MACROD2: variants seen among roughly 807,000 people sequenced by gnomAD.
The protein encoded by MACROD2 is ADP-ribose glycohydrolase MACROD2.
In MACROD2, 36 loss-of-function variants were observed where a neutral mutation model predicts 70.4. That is an observed-to-expected ratio of 0.51 (90% confidence interval 0.39 to 0.68). The LOEUF (loss-of-function observed/expected upper bound fraction) is 0.68, where lower values mean the gene tolerates loss of function less well. MACROD2 is among the 30% of genes least tolerant of loss of function. The pLI, the probability that MACROD2 is intolerant of heterozygous loss-of-function variation, is 0.00. For missense variants in MACROD2, 496 were observed against 538.4 expected (o/e 0.92, Z 0.78); for synonymous variants, 172 against 178.8 (o/e 0.96, Z 0.30).
At chr20:14,078,069 A>C (rs1009963750) in intron 2 of MACROD2, among the ~76,000 whole-genome samples, 1 of 151,524 alleles carries the variant, frequency 6.6e-6, no homozygotes, top group Non-Finnish European at 1.5e-5. Context: ...CGCCTGGCTA[A>C]TTTTGTATTT....
intron 3 of MACROD2, among the ~76,000 whole-genome samples, chr20:14,139,351 A>G (rs1238552375): frequency 6.6e-6 from 1 of 152,224 alleles, no homozygotes; most frequent in East Asian, 1.9e-4. Context: ...AGATGAAGAA[A>G]GGCAAATGTT....
intron 5 of MACROD2, among the ~76,000 whole-genome samples, chr20:14,846,468 T>G (rs1205046321): frequency 6.6e-6 from 1 of 151,456 alleles, no homozygotes; most frequent in Non-Finnish European, 1.5e-5. Flanking sequence ...AAATATATAT[T>G]TCATTATATA....
intron 5 of MACROD2, among the ~76,000 whole-genome samples, chr20:15,008,529 A>G (rs1005178144): frequency 6.6e-6 from 1 of 152,196 alleles, no homozygotes; most frequent in Admixed American, 6.5e-5. Flanking sequence ...TGACCTGATC[A>G]TGGTGCAGGT....
At chr20:15,146,110 A>G (rs1003520469) in intron 5 of MACROD2, among the ~76,000 whole-genome samples, 4 of 152,158 alleles carry the variant, frequency 2.6e-5, no homozygotes, top group African/African-American at 9.7e-5. Flanking sequence ...TACATTCTGC[A>G]ACTTGCAAAA....
chr20:14,391,737 A>T (rs937760983), intron 3 of MACROD2, among the ~76,000 whole-genome samples: 1 of 149,852 alleles, frequency 6.7e-6, no homozygotes, highest in Non-Finnish European at 1.5e-5. Context: ...CAAATATTGC[A>T]TGTTCTCACT....
chr20:14,227,318 T>G (rs1439912340), intron 3 of MACROD2, among the ~76,000 whole-genome samples: 1 of 152,132 alleles, frequency 6.6e-6, no homozygotes, highest in Non-Finnish European at 1.5e-5. Context: ...TTTCACATGG[T>G]GGAAGCTTTG....
chr20:15,707,247 A>G (rs1382357159), intron 8 of MACROD2, among the ~76,000 whole-genome samples: 1 of 152,194 alleles, frequency 6.6e-6, no homozygotes, highest in East Asian at 1.9e-4. Context: ...CCAGAGATCA[A>G]TTAGCTCATC....
At chr20:14,946,348 T>A (rs2074432009) in intron 5 of MACROD2, among the ~76,000 whole-genome samples, 1 of 152,204 alleles carries the variant, frequency 6.6e-6, no homozygotes, top group South Asian at 2.1e-4. Flanking sequence ...ATCACATATC[T>A]GTATCTAAAT....
chr20:14,681,975 G>T (rs1429032654), intron 4 of MACROD2, among the ~76,000 whole-genome samples: 1 of 152,068 alleles, frequency 6.6e-6, no homozygotes, highest in Non-Finnish European at 1.5e-5. Context: ...ACCTTATAAG[G>T]TTGTCCTTAG....
chr20:15,720,072 A>G (rs894843119), intron 8 of MACROD2, among the ~76,000 whole-genome samples: 1 of 152,176 alleles, frequency 6.6e-6, no homozygotes, highest in African/African-American at 2.4e-5. Flanking sequence ...GTGTCTGCTT[A>G]TTTCACTTAA....
chr20:15,718,018 C>CTTT (rs11087142), intron 8 of MACROD2, among the ~76,000 whole-genome samples: 1 of 140,408 alleles, frequency 7.1e-6, no homozygotes, highest in African/African-American at 2.6e-5. Context: ...TGTTTTCTCT[C>CTTT]TTTTTTTTTT....
At chr20:15,936,861 TG>T (rs1292645126) in intron 11 of MACROD2, among the ~76,000 whole-genome samples, 1 of 152,056 alleles carries the variant, frequency 6.6e-6, no homozygotes, top group Non-Finnish European at 1.5e-5. Context: ...TCTACTCTAA[TG>T]TAGTTCATTG....
chr20:14,009,574 G>C (rs1045888433), intron 2 of MACROD2, among the ~76,000 whole-genome samples: 1 of 152,144 alleles, frequency 6.6e-6, no homozygotes, highest in African/African-American at 2.4e-5. Context: ...TAAAGACATA[G>C]AGGTAAAAAT....
chr20:14,481,669 T>C (rs974379391), intron 3 of MACROD2, among the ~76,000 whole-genome samples: 10 of 152,170 alleles, frequency 6.6e-5, no homozygotes, highest in African/African-American at 2.2e-4. Flanking sequence ...CCTTAAGATA[T>C]AGTCTAGCAT....
At chr20:15,775,308 C>G (rs576322213) in intron 8 of MACROD2, among the ~76,000 whole-genome samples, 5 of 152,160 alleles carry the variant, frequency 3.3e-5, no homozygotes, top group African/African-American at 1.2e-4. Flanking sequence ...AAGCCAAGGT[C>G]GCAAAAACTC....
chr20:14,082,789 A>G lies in MACROD2; in HGVS notation c.164-2832A>G, dbSNP rs552810498. Reference sequence around the variant, plus strand: ...AATCTTTGTAATTTCTAGGTTCACAATAGTCTAAATATCCATTTGTCTCTG... The same window carrying G: ...AATCTTTGTAATTTCTAGGTTCACAGTAGTCTAAATATCCATTTGTCTCTG... On this transcript the variant is annotated intron_variant, in intron 2 of 17. Coordinates refer to ENST00000684519, the MANE Select transcript of MACROD2 (RefSeq NM_001351661.2). Among the ~76,000 whole-genome samples, 171 of 152,306 alleles carry G rather than the reference A, an allele frequency of 1.1e-3. 1 individual carries two copies. The highest frequency in any genetic ancestry group is 3.8e-3 in the African/African-American group (159 of 41,570).
At chr20:14,327,358 G>T in intron 3 of MACROD2, 1 of 1,613,744 alleles carries the variant, frequency 6.2e-7, no homozygotes, top group Non-Finnish European at 8.5e-7. Flanking sequence ...TGGAATGGAT[G>T]TCAGAAAGCG....
chr20:14,708,323 A>C (rs779739665), intron 5 of MACROD2, among the ~76,000 whole-genome samples: 1 of 152,184 alleles, frequency 6.6e-6, no homozygotes, highest in Non-Finnish European at 1.5e-5. Flanking sequence ...TTTCACTTAT[A>C]AACACTCAAC....
intron 6 of MACROD2, among the ~76,000 whole-genome samples, chr20:15,264,292 G>C (rs1208870830): frequency 3.9e-5 from 6 of 152,156 alleles, no homozygotes; most frequent in Non-Finnish European, 8.8e-5. Context: ...ATATTTGACA[G>C]TTCTTAATCT....
Sources: gnomAD v4.1 joint callset for allele counts (sites outside exome capture counted in the v4.1 genomes callset) on GRCh38, gnomAD v4.1.1 for gene constraint, MANE v1.5 for transcripts, NCBI Gene and HGNC (gene_info 2026-07-23, HGNC 2026-07-21) for gene names.